The following FER1L6 variants were observed in gnomAD, a reference collection of about 807,000 sequenced individuals.
FER1L6 encodes fer-1 like family member 6.
In FER1L6, 177 loss-of-function variants were observed where a neutral mutation model predicts 219.2. The observed-to-expected ratio is 0.81, with a 90% confidence interval of 0.71 to 0.91. FER1L6 has a LOEUF of 0.91. FER1L6 is among the 40% of genes least tolerant of loss of function. FER1L6 has a pLI of 0.00. For synonymous variants in FER1L6, 768 were observed against 824.3 expected, an observed-to-expected ratio of 0.93 and a Z score of 1.17; for missense variants, 2,153 against 2,259.9, an observed-to-expected ratio of 0.95 and a Z score of 0.96.
At chr8:123,900,350 T>C (rs1164130365) in intron 1 of FER1L6, among the ~76,000 whole-genome samples, 1 of 152,152 alleles carries the variant, frequency 6.6e-6, no homozygotes, top group Non-Finnish European at 1.5e-5. Context: ...ATCTTGTATC[T>C]GGAAACTGCT....
At chr8:123,902,991 T>G (rs1024242625) in intron 1 of FER1L6, among the ~76,000 whole-genome samples, 1 of 152,194 alleles carries the variant, frequency 6.6e-6, no homozygotes, top group Non-Finnish European at 1.5e-5. Flanking sequence ...CTCGTGGTTG[T>G]TTGGTAATGG....
Position 124,118,884 on chromosome 8 carries a change from A to C in FER1L6, c.5330A>C (p.Glu1777Ala), listed in dbSNP as rs755294705. The change falls in exon 40 of 41, where the codon GAA becomes GCA. Residue 1777 changes from glutamate (E) to alanine (A), a missense_variant. Physicochemically the swap from Glu to Ala is moderately radical, Grantham distance 107. Transcript: ENST00000522917. Reference protein sequence around the residue: ...EAEFHLVTAEEAEKNPVGKAR... With the variant: ...EAEFHLVTAEAAEKNPVGKAR... Reference sequence around the variant, plus strand: ...GAGTTCCACCTAGTTACAGCAGAAGAAGCTGAGAAAAATCCTGTTGGAAAA... The same window carrying C: ...GAGTTCCACCTAGTTACAGCAGAAGCAGCTGAGAAAAATCCTGTTGGAAAA... 3.0e-5 allele frequency: 48 copies of C among 1,613,918 alleles called. No homozygotes were observed. The East Asian group carries it at 5.1e-4, about 17-fold the overall frequency.
intron 16 of FER1L6, among the ~76,000 whole-genome samples, chr8:124,018,897 G>T (rs1258393124): frequency 6.6e-6 from 1 of 152,154 alleles, no homozygotes; most frequent in South Asian, 2.1e-4. Flanking sequence ...TTGAATACTA[G>T]GTCCTGCAGA....
chr8:124,009,499 C>G (rs1297931997), intron 13 of FER1L6, among the ~76,000 whole-genome samples: 1 of 151,518 alleles, frequency 6.6e-6, no homozygotes, highest in Non-Finnish European at 1.5e-5. Context: ...CCCAGAGGAG[C>G]CGGTGCTGCT....
intron 28 of FER1L6, among the ~76,000 whole-genome samples, chr8:124,068,396 T>C (rs374049424): frequency 6.6e-6 from 1 of 152,180 alleles, no homozygotes; most frequent in African/African-American, 2.4e-5. Context: ...AAATAGTATC[T>C]TCACCTTGCA....
At chr8:124,050,848 C>A (rs1260170180) in intron 22 of FER1L6, among the ~76,000 whole-genome samples, 1 of 152,016 alleles carries the variant, frequency 6.6e-6, no homozygotes, top group African/African-American at 2.4e-5. Flanking sequence ...CTAAAGACCC[C>A]ACTTCCAAAT....
intron 1 of FER1L6, among the ~76,000 whole-genome samples, chr8:123,941,471 G>A (rs912656100): frequency 6.6e-6 from 1 of 152,166 alleles, no homozygotes; most frequent in African/African-American, 2.4e-5. Context: ...AGGTGGTGTG[G>A]CCAGAGCAAA....
intron 39 of FER1L6, among the ~76,000 whole-genome samples, chr8:124,107,293 A>C (rs1279146908): frequency 2.0e-5 from 3 of 152,208 alleles, no homozygotes; most frequent in Admixed American, 6.5e-5. Context: ...TACTGAGCAC[A>C]TAAGTGCTCA....
chr8:124,052,369 A>G (rs989017315), intron 22 of FER1L6, among the ~76,000 whole-genome samples: 5 of 152,188 alleles, frequency 3.3e-5, no homozygotes, highest in Non-Finnish European at 7.3e-5. Flanking sequence ...TTAATAAGAG[A>G]TAGCACAGGT....
chr8:124,108,386 G>A (rs1822866286), intron 39 of FER1L6, among the ~76,000 whole-genome samples: 1 of 152,124 alleles, frequency 6.6e-6, no homozygotes, highest in Admixed American at 6.5e-5. Context: ...GAGATAGTAT[G>A]TTCCAGGCAC....
chr8:123,852,908 A>G lies in FER1L6; in HGVS notation c.-8+723A>G, dbSNP rs185611328. 9.9e-3 allele frequency among the ~76,000 whole-genome samples: 1,502 copies of G among 152,322 alleles called. 14 individuals carry two copies. The highest frequency in any genetic ancestry group is 0.032 in the South Asian group (155 of 4,828). ...AATTTTTGGAGATGGATTTTGAGGC[A>G]AATGTAATCATCCCTAAGGTTATAT... On this transcript the variant is annotated intron_variant, in intron 1 of 40. Coordinates refer to ENST00000522917, the MANE Select transcript of FER1L6 (RefSeq NM_001039112.2). The surrounding 1 kb of genome is among the most constrained non-coding windows in gnomAD (Gnocchi z 4.9).
intron 14 of FER1L6, among the ~76,000 whole-genome samples, chr8:124,012,079 T>G (rs563498307): frequency 6.6e-6 from 1 of 152,206 alleles, no homozygotes; most frequent in African/African-American, 2.4e-5. Context: ...AATTCTTCTC[T>G]CCTACTCCCG....
rs369117933 is a variant in FER1L6 at position 124,045,724 on chromosome 8, T to C, written c.2590-43T>C. 3.7e-6 allele frequency: 6 copies of C among 1,610,382 alleles called. No individual in the cohort carries two copies. In the African/African-American group the frequency reaches 5.3e-5, roughly 14 times the overall value. On this transcript the variant is annotated intron_variant, in intron 20 of 40. Transcript: ENST00000522917. ...GAATGAACCTTAGAGCCCCTATAAC[T>C]CAATTGAATGATCTTTTGCTTTTCT...
Position 123,957,747 on chromosome 8 carries a change from C to A in FER1L6, c.76+1673C>A, listed in dbSNP as rs534733103. Among the ~76,000 whole-genome samples the A allele has an allele frequency of 4.6e-5, 7 of 152,142 alleles. No homozygotes were observed. The South Asian group carries it at 6.2e-4, about 14-fold the overall frequency. ...GCTGGCGGATACCTAGGGCAGTCGA[C>A]CACAGGCATTTCAGAGGAGTTTGCT... On this transcript the variant is annotated intron_variant, in intron 2 of 40. Coordinates refer to ENST00000522917, the MANE Select transcript of FER1L6 (RefSeq NM_001039112.2).
chr8:124,003,492 C>T (rs1032001284), intron 13 of FER1L6, 145 bp downstream of exon 13: 5 of 574,082 alleles, frequency 8.7e-6, no homozygotes, highest in Non-Finnish European at 1.1e-5. Context: ...GAGACGGAGT[C>T]TTGCTTGGTC....
In FER1L6 at chr8:124,118,709, C is replaced by T. The variant is rs556865046; in HGVS notation, c.5290-135C>T. The T allele has an allele frequency of 5.8e-5, 44 of 755,346 alleles. No individual in the cohort carries two copies. The South Asian group carries it at 8.4e-4, about 14-fold the overall frequency. 46.8% of individuals were successfully genotyped at this position (755,346 alleles called of 1,614,324 possible). ...CTCCCAGGACCAAAAAAAGCAACAA[C>T]ATTTATCAAAATAAAGCAGCGGGAT... On this transcript the variant is annotated intron_variant, in intron 39 of 40. Transcript: ENST00000522917.
At chr8:123,900,210 A>G (rs1433477044) in intron 1 of FER1L6, among the ~76,000 whole-genome samples, 1 of 150,720 alleles carries the variant, frequency 6.6e-6, no homozygotes, top group Non-Finnish European at 1.5e-5. Context: ...AGGTCTTTCA[A>G]CTCCTTTGTT....
At chr8:124,004,554 T>C (rs1016391012) in intron 13 of FER1L6, among the ~76,000 whole-genome samples, 2 of 152,104 alleles carry the variant, frequency 1.3e-5, no homozygotes, top group African/African-American at 4.8e-5. Flanking sequence ...GACAGCCCTC[T>C]TTCCTGAGCA....
chr8:123,980,490 C>T lies in FER1L6; in HGVS notation c.1089C>T (p.Ala363=), dbSNP rs746658204. 6 of 1,613,512 alleles carry T rather than the reference C, an allele frequency of 3.7e-6. No individual in the cohort carries two copies. The highest frequency in any genetic ancestry group is 1.1e-5 in the South Asian group (1 of 90,906). Residue 363 remains alanine (A), a synonymous_variant, in exon 11 of 41, where the codon GCC becomes GCT. Coordinates refer to ENST00000522917, the MANE Select transcript of FER1L6 (RefSeq NM_001039112.2). Reference sequence around the variant, plus strand: ...GCTTTCTGCCCACCTTTGGGCCTGCCTGGATTAACCTGTATGGCTCGCCCA... The same window carrying T: ...GCTTTCTGCCCACCTTTGGGCCTGCTTGGATTAACCTGTATGGCTCGCCCA... ...DKGFLPTFGP[A]WINLYGSPRN...
Sources: allele counts gnomAD v4.1 joint callset (sites outside exome capture counted in the v4.1 genomes callset), GRCh38; gene constraint gnomAD v4.1.1; non-coding constraint Gnocchi (gnomAD v3.1); transcripts MANE v1.5; gene names NCBI Gene and HGNC (gene_info 2026-07-23, HGNC 2026-07-21).